SCN7A: variants seen among roughly 807,000 people sequenced by gnomAD.
SCN7A encodes sodium voltage-gated channel alpha subunit 7, also known as sodium channel protein type 7 subunit alpha.
A neutral mutation model predicts 155.2 loss-of-function variants in SCN7A; 138 were observed. The observed-to-expected ratio is 0.89, with a 90% CI of 0.77 to 1.02. SCN7A has a LOEUF of 1.02. Among genes scored for constraint, SCN7A ranks in the 50% least tolerant of loss-of-function variants. The probability of loss-of-function intolerance (pLI) is 0.00; values close to 1 mark genes in which losing one functional copy is unlikely to be tolerated. For synonymous variants in SCN7A, 693 were observed against 649.0 expected (o/e 1.07, Z -1.03); for missense variants, 2,058 against 1,986.6 (o/e 1.04, Z -0.68).
intron 18 of SCN7A, among the ~76,000 whole-genome samples, chr2:166,424,977 C>G (rs564161069): frequency 1.3e-5 from 2 of 152,178 alleles, no homozygotes; most frequent in Admixed American, 1.3e-4. Flanking sequence ...GGAGAACTGC[C>G]TCTGCTAAAC....
chr2:166,408,812 G>A (rs1701133404), intron 25 of SCN7A, among the ~76,000 whole-genome samples: 1 of 151,858 alleles, frequency 6.6e-6, no homozygotes, highest in Non-Finnish European at 1.5e-5. Flanking sequence ...CTACTCTCAT[G>A]GAACTTACAC....
In SCN7A at chr2:166,410,223, T is replaced by C; in HGVS notation, c.3708A>G (p.Pro1236=). 6.5e-7 allele frequency: 1 copy of C among 1,540,462 alleles called. No homozygotes were observed. The highest frequency in any genetic ancestry group is 2.4e-5 in the East Asian group (1 of 41,348). ...YEDSQRPVPR[P]LNKLQGFIFD... ...AAAAATCTAGACATTTTCTTACTAA[T>C]GGGCGAGGTACTGGTCTTTGAGAAT... The change falls in exon 24 of 26, where the codon CCA becomes CCG. Residue 1236 remains proline (P), a synonymous_variant. Coordinates refer to ENST00000643258, the MANE Select transcript of SCN7A (RefSeq NM_002976.4).
At position 166,413,989 on chromosome 2, in the gene SCN7A, ATATATATATATATAAATATAC is replaced by A. The variant is rs1429870554; in HGVS notation, c.3415-889_3415-869del. 1.6e-3 allele frequency among the ~76,000 whole-genome samples: 159 copies of A among 100,752 alleles called. 10 individuals carry two copies. The highest frequency in any genetic ancestry group is 6.1e-3 in the African/African-American group (155 of 25,326). 66.1% of individuals were successfully genotyped at this position (100,752 alleles called of 152,430 possible). A position where few individuals can be genotyped will look rare whatever the true frequency, so the allele number is the denominator to read the frequency against. On this transcript the variant is annotated intron_variant, in intron 21 of 25. Coordinates refer to ENST00000643258, the MANE Select transcript of SCN7A (RefSeq NM_002976.4). Reference sequence around the variant, plus strand: ...TATATATATGTGTATGTGTATATATATATATATATATATAAATATACTATATATATGTAAATATATATAAAT... The same window carrying A: ...TATATATATGTGTATGTGTATATATATATATATATGTAAATATATATAAAT...
chr2:166,487,083 G>A (rs765912703), intron 1 of SCN7A, 115 bp from the exon 2 acceptor site: 1 of 152,132 alleles, frequency 6.6e-6, no homozygotes, highest in Non-Finnish European at 1.5e-5. Context: ...CTTCCACTCT[G>A]TCCTCTCCTT....
intron 2 of SCN7A, among the ~76,000 whole-genome samples, chr2:166,486,279 G>A (rs1703046296): frequency 6.6e-6 from 1 of 152,116 alleles, no homozygotes; most frequent in African/African-American, 2.4e-5. Context: ...ATCCACAAAT[G>A]ATACCCTAAA....
At chr2:166,441,976 G>T (rs1701971712) in intron 14 of SCN7A, among the ~76,000 whole-genome samples, 1 of 151,926 alleles carries the variant, frequency 6.6e-6, no homozygotes, top group South Asian at 2.1e-4. Flanking sequence ...TGATGTATTT[G>T]CCAATTCCCA....
rs184199198 is a variant in SCN7A at position 166,406,087 on chromosome 2, A to G, written c.4542T>C (p.Asp1514=). 1 of 1,612,508 alleles carries G rather than the reference A, an allele frequency of 6.2e-7. No homozygotes were observed. ...KKKNKTLSED[D]FRKFFQVWKR... ...TCCATACCTGAAAGAATTTCCTAAAATCATCTTCACTCAAGGTCTTGTTTT... is the reference window on the plus strand; with the variant it reads ...TCCATACCTGAAAGAATTTCCTAAAGTCATCTTCACTCAAGGTCTTGTTTT... The change falls in exon 26 of 26, where the codon GAT becomes GAC. Residue 1514 remains aspartate (D), a synonymous_variant. Transcript: ENST00000643258.
intron 23 of SCN7A, among the ~76,000 whole-genome samples, chr2:166,412,193 T>A (rs181297224): frequency 2.4e-3 from 368 of 152,124 alleles, no homozygotes; most frequent in African/African-American, 8.2e-3. Flanking sequence ...TAAAAGAGTG[T>A]TTTTTTCTGG....
intron 15 of SCN7A, chr2:166,436,440 C>T (rs1308715029): frequency 2.4e-6 from 1 of 423,156 alleles, no homozygotes. Context: ...CCTCCCAAGC[C>T]CTGTGGAACC....
At chr2:166,446,565 G>GAA (rs1366975578) in intron 12 of SCN7A, among the ~76,000 whole-genome samples, 1 of 152,118 alleles carries the variant, frequency 6.6e-6, no homozygotes, top group East Asian at 1.9e-4. Context: ...AAAGACACAT[G>GAA]CACACGTATG....
rs77859143 is a variant in SCN7A at position 166,407,023 on chromosome 2, A to G, written c.3983-377T>C. 5.1e-3 allele frequency among the ~76,000 whole-genome samples: 771 copies of G among 152,170 alleles called. 40 individuals carry two copies. In the East Asian group the frequency reaches 0.11, roughly 22 times the overall value. On this transcript the variant is annotated intron_variant, in intron 25 of 25. Transcript: ENST00000643258. ...TCCATGCAATCTTTATTGAATGCCC[A>G]ATAAATATATCACACCAATATACAA... is the stretch of plus-strand genomic sequence containing the variant.
intron 7 of SCN7A, among the ~76,000 whole-genome samples, chr2:166,467,072 C>T (rs1702550279): frequency 6.6e-6 from 1 of 151,636 alleles, no homozygotes. Flanking sequence ...ATTCTTTTTA[C>T]TATAAGCAAA....
At chr2:166,418,494 C>T (rs920542486) in intron 20 of SCN7A, among the ~76,000 whole-genome samples, 14 of 151,434 alleles carry the variant, frequency 9.2e-5, no homozygotes, top group Non-Finnish European at 1.6e-4. Context: ...TCCTGAGGCA[C>T]CACTGATTCT....
intron 14 of SCN7A, 66 bp downstream of exon 14, chr2:166,443,436 AT>A: frequency 7.3e-7 from 1 of 1,374,512 alleles, no homozygotes; most frequent in Admixed American, 2.5e-5. Flanking sequence ...CTGTAACCCC[AT>A]TTTATGTCTG....
intron 3 of SCN7A, among the ~76,000 whole-genome samples, 166 bp from the exon 4 acceptor site, chr2:166,474,510 T>C (rs1203190616): frequency 1.3e-5 from 2 of 151,818 alleles, no homozygotes; most frequent in Non-Finnish European, 2.9e-5. Context: ...AGATTTTAGA[T>C]GTTTTTATTC....
chr2:166,463,830 T>A (rs1234364577), intron 9 of SCN7A, among the ~76,000 whole-genome samples: 4 of 151,868 alleles, frequency 2.6e-5, no homozygotes, highest in Non-Finnish European at 5.9e-5. Context: ...CCACGGTGGG[T>A]GGATCGCTTA....
At chr2:166,434,945 T>C (rs1371192371) in intron 15 of SCN7A, among the ~76,000 whole-genome samples, 1 of 152,088 alleles carries the variant, frequency 6.6e-6, no homozygotes, top group Non-Finnish European at 1.5e-5. Context: ...AAATAGATTT[T>C]GTGCTAGGAT....
intron 19 of SCN7A, 55 bp from the exon 20 acceptor site, chr2:166,421,352 C>T: frequency 9.9e-7 from 1 of 1,008,264 alleles, no homozygotes; most frequent in East Asian, 2.9e-5. Context: ...ATCAAAATAA[C>T]ATGTAAAATA....
intron 21 of SCN7A, among the ~76,000 whole-genome samples, chr2:166,415,947 C>G (rs536763582): frequency 6.6e-6 from 1 of 152,002 alleles, no homozygotes; most frequent in Admixed American, 6.6e-5. Context: ...TATAAATGGA[C>G]GTGCAAGTAG....
Sources: allele counts gnomAD v4.1 joint callset (sites outside exome capture counted in the v4.1 genomes callset), GRCh38; gene constraint gnomAD v4.1.1; transcripts MANE v1.5; gene names NCBI Gene and HGNC (gene_info 2026-07-23, HGNC 2026-07-21).